The following TTLL5 variants were observed in gnomAD, a reference collection of about 807,000 sequenced individuals.
The protein encoded by TTLL5 is tubulin polyglutamylase TTLL5.
Under a neutral mutation model 168.4 loss-of-function variants are expected in TTLL5, and 132 were observed. The ratio of observed to expected loss-of-function variants is 0.78; its 90% CI spans 0.68 to 0.91. The LOEUF is 0.91. Ranked by LOEUF, TTLL5 falls within the 40% of genes least tolerant of loss-of-function variation. The pLI, the probability that TTLL5 is intolerant of heterozygous loss-of-function variation, is 0.00. For synonymous variants in TTLL5, 546 were observed against 558.6 expected (o/e 0.98, Z 0.32); for missense variants, 1,545 against 1,581.5 (o/e 0.98, Z 0.39).
Position 75,792,409 on chromosome 14 carries a change from T to TA in TTLL5, c.2987-496dup, listed in dbSNP as rs199638323. Reference sequence around the variant, plus strand: ...AGAAAACATGTTTTGACTAAAAATATAAAAAAAAAAAGAAAATATAAGATT... The same window carrying TA: ...AGAAAACATGTTTTGACTAAAAATATAAAAAAAAAAAAGAAAATATAAGATT... On this transcript the variant is annotated intron_variant, in intron 26 of 31. Coordinates refer to ENST00000298832, the MANE Select transcript of TTLL5 (RefSeq NM_015072.5). Among the ~76,000 whole-genome samples, 279 of 144,558 alleles carry TA rather than the reference T, an allele frequency of 1.9e-3. 2 individuals carry two copies. Among genetic ancestry groups the TA allele is most frequent in the South Asian group, 7.4e-3 (34 of 4,582 alleles). The allele number at this position is 144,558 out of a possible 152,430, so 94.8% of individuals were successfully genotyped here.
At position 75,763,452 on chromosome 14, in the gene TTLL5, C is replaced by T. The variant is rs748063748; in HGVS notation, c.1551-1163C>T. Among the ~76,000 whole-genome samples the T allele has an allele frequency of 2.0e-5, 3 of 152,200 alleles. No homozygotes were observed. The South Asian group carries it at 6.2e-4, about 32-fold the overall frequency. ...CCATCCATTCCATCCACCCAGAAAT[C>T]CCTATCAGAAAGGTCCTAAATAGAC... On this transcript the variant is annotated intron_variant, in intron 18 of 31. Coordinates refer to ENST00000298832, the MANE Select transcript of TTLL5 (RefSeq NM_015072.5).
intron 31 of TTLL5, among the ~76,000 whole-genome samples, chr14:75,918,356 TCA>T (rs2033694840): frequency 6.6e-6 from 1 of 152,150 alleles, no homozygotes; most frequent in Non-Finnish European, 1.5e-5. Flanking sequence ...CTGGTTTCAA[TCA>T]CAGCACATTT....
intron 31 of TTLL5, among the ~76,000 whole-genome samples, chr14:75,944,675 T>A (rs1041891342): frequency 9.9e-5 from 15 of 151,422 alleles, no homozygotes; most frequent in African/African-American, 3.6e-4. Flanking sequence ...CAACCAGGAA[T>A]GTCAGGTGAC....
intron 28 of TTLL5, among the ~76,000 whole-genome samples, chr14:75,824,730 T>G (rs1016158122): frequency 7.3e-5 from 11 of 150,982 alleles, no homozygotes; most frequent in Admixed American, 3.3e-4. Flanking sequence ...ATTATGTGTT[T>G]TTTTTTTTTT....
intron 2 of TTLL5, among the ~76,000 whole-genome samples, chr14:75,667,538 C>T (rs887211517): frequency 7.2e-5 from 11 of 152,106 alleles, no homozygotes; most frequent in African/African-American, 2.4e-4. Context: ...CTATCAGCAC[C>T]GTTTCTCACA....
At chr14:75,766,468 A>G (rs758101595) in intron 20 of TTLL5, 100 bp downstream of exon 20, 1 of 1,118,630 alleles carries the variant, frequency 8.9e-7, no homozygotes, top group Non-Finnish European at 1.2e-6. Context: ...TTTTCATTTA[A>G]TATTTACAGA....
intron 31 of TTLL5, among the ~76,000 whole-genome samples, chr14:75,940,259 T>C (rs557586277): frequency 6.6e-6 from 1 of 151,984 alleles, no homozygotes; most frequent in Non-Finnish European, 1.5e-5. Context: ...TTTTGTATTT[T>C]TAGTAGAGAC....
intron 31 of TTLL5, among the ~76,000 whole-genome samples, chr14:75,915,483 G>A (rs979099507): frequency 6.6e-6 from 1 of 152,150 alleles, no homozygotes; most frequent in Non-Finnish European, 1.5e-5. Context: ...CAGAATGCAG[G>A]GTGGAAAGAT....
chr14:75,903,100 A>G (rs2032996373), intron 31 of TTLL5, among the ~76,000 whole-genome samples: 2 of 152,264 alleles, frequency 1.3e-5, no homozygotes, highest in South Asian at 4.1e-4. Flanking sequence ...GAACAGGCAC[A>G]TAATGTAGGA....
intron 28 of TTLL5, among the ~76,000 whole-genome samples, chr14:75,844,043 C>T (rs1026392076): frequency 2.0e-5 from 3 of 151,696 alleles, no homozygotes; most frequent in Non-Finnish European, 2.9e-5. Context: ...CCACTACTCC[C>T]GGCTAATTTT....
intron 28 of TTLL5, among the ~76,000 whole-genome samples, chr14:75,859,044 A>G (rs1186312219): frequency 3.9e-5 from 6 of 152,204 alleles, no homozygotes; most frequent in South Asian, 4.1e-4. Context: ...ATCCTTGTAC[A>G]TGGTAGCTTG....
Position 75,717,928 on chromosome 14 carries a change from TAC to T in TTLL5, c.810_811del (p.Tyr270Ter). 1.2e-6 allele frequency: 2 copies of T among 1,613,756 alleles called. No homozygotes were observed. The highest frequency in any genetic ancestry group is 4.5e-5 in the East Asian group (2 of 44,832). ...GAACCAGTTCATGCATCTGACAAAC[TAC>T]AGTGTCAACAAGAAAAGTGGAGATT... ...IRNQFMHLTNYSVNKKSGDYV... is the reference protein window; with the variant it reads ...IRNQFMHLTNXSVNKKSGDYV... On this transcript the variant is annotated frameshift_variant, in exon 10 of 32. Transcript: ENST00000298832. LOFTEE classifies it high-confidence loss of function.
intron 30 of TTLL5, among the ~76,000 whole-genome samples, chr14:75,887,603 G>A (rs536378548): frequency 1.6e-4 from 25 of 152,282 alleles, no homozygotes; most frequent in African/African-American, 5.8e-4. Flanking sequence ...AGTACAACAA[G>A]GTACGCAGGT....
chr14:75,936,642 T>G (rs7141880), intron 31 of TTLL5, among the ~76,000 whole-genome samples: 2 of 152,174 alleles, frequency 1.3e-5, no homozygotes, highest in South Asian at 4.1e-4. Flanking sequence ...TATAACTCCC[T>G]AAGAAGGACT....
chr14:75,745,310 A>G (rs910959790), intron 16 of TTLL5, 102 bp downstream of exon 16: 5 of 1,279,048 alleles, frequency 3.9e-6, no homozygotes, highest in Non-Finnish European at 4.4e-6. Context: ...TCTTACATTG[A>G]AAAGAGAAAG....
intron 17 of TTLL5, 81 bp downstream of exon 17, chr14:75,745,662 T>C: frequency 9.2e-7 from 1 of 1,083,950 alleles, no homozygotes; most frequent in Non-Finnish European, 1.4e-6. Context: ...TCATCACTGC[T>C]CCCCCCGATG....
At chr14:75,682,996 T>A (rs1171225417) in intron 4 of TTLL5, among the ~76,000 whole-genome samples, 1 of 152,144 alleles carries the variant, frequency 6.6e-6, no homozygotes, top group Non-Finnish European at 1.5e-5. Flanking sequence ...AGTCTCAAAC[T>A]CCTGAGCTCA....
intron 3 of TTLL5, among the ~76,000 whole-genome samples, chr14:75,673,880 T>C (rs184995294): frequency 6.8e-4 from 104 of 152,290 alleles, no homozygotes; most frequent in African/African-American, 2.3e-3. Context: ...ATTCATGTTC[T>C]CTGAAGCCTG....
At chr14:75,837,326 G>A (rs1341011150) in intron 28 of TTLL5, 1 of 152,170 alleles carries the variant, frequency 6.6e-6, no homozygotes, top group Non-Finnish European at 1.5e-5. Flanking sequence ...CTCAGAATGA[G>A]TAATTCAACA....
Sources: gnomAD v4.1 joint callset for allele counts (sites outside exome capture counted in the v4.1 genomes callset) on GRCh38, gnomAD v4.1.1 for gene constraint, MANE v1.5 for transcripts, NCBI Gene and HGNC (gene_info 2026-07-23, HGNC 2026-07-21) for gene names.